EYA4: variants seen among roughly 807,000 people sequenced by gnomAD.
EYA4 encodes the protein EYA transcriptional coactivator and phosphatase 4, also known as protein phosphatase EYA4.
A neutral mutation model predicts 87.9 loss-of-function variants in EYA4; 31 were observed. That is an observed-to-expected ratio of 0.35 (90% CI 0.27 to 0.48). EYA4 has a LOEUF of 0.48. Among genes scored for constraint, EYA4 ranks in the 20% least tolerant of loss-of-function variants. The pLI, the probability that EYA4 is intolerant of heterozygous loss-of-function variation, is 0.99. For synonymous variants in EYA4, 263 were observed against 270.6 expected, an observed-to-expected ratio of 0.97 and a Z score of 0.28; for missense variants, 678 against 761.4, an observed-to-expected ratio of 0.89 and a Z score of 1.29.
chr6:133,382,625 T>C (rs534005757), intron 3 of EYA4, among the ~76,000 whole-genome samples, 184 bp downstream of exon 3: 31 of 152,282 alleles, frequency 2.0e-4, no homozygotes, highest in Non-Finnish European at 3.8e-4. Context: ...TCAAAGGGAC[T>C]GTGATTGAAG....
intron 3 of EYA4, among the ~76,000 whole-genome samples, chr6:133,420,604 C>T (rs939434793): frequency 2.0e-5 from 3 of 152,212 alleles, no homozygotes; most frequent in Non-Finnish European, 4.4e-5. Context: ...TGACAGCAGG[C>T]TCTTGAATTT....
intron 2 of EYA4, among the ~76,000 whole-genome samples, chr6:133,307,999 TG>T (rs1779938009): frequency 6.6e-6 from 1 of 152,152 alleles, no homozygotes; most frequent in South Asian, 2.1e-4. Flanking sequence ...TGAGATCTGA[TG>T]GTTTTTATAA....
At chr6:133,385,061 A>C (rs1786580306) in intron 3 of EYA4, among the ~76,000 whole-genome samples, 1 of 151,956 alleles carries the variant, frequency 6.6e-6, no homozygotes, top group African/African-American at 2.4e-5. Flanking sequence ...GCACTTTGGG[A>C]GGCCGAGGCG....
chr6:133,418,710 T>C (rs1397522199), intron 3 of EYA4, among the ~76,000 whole-genome samples: 1 of 152,170 alleles, frequency 6.6e-6, no homozygotes, highest in Admixed American at 6.5e-5. Context: ...ACAGATTAGC[T>C]GGGGAAATGG....
At chr6:133,410,799 T>A (rs1456484990) in intron 3 of EYA4, among the ~76,000 whole-genome samples, 2 of 151,884 alleles carry the variant, frequency 1.3e-5, no homozygotes, top group Admixed American at 6.6e-5. Flanking sequence ...GTTAAATTAT[T>A]ACCCTCAGGT....
At chr6:133,449,081 A>G (rs1793151431) in intron 5 of EYA4, among the ~76,000 whole-genome samples, 1 of 152,212 alleles carries the variant, frequency 6.6e-6, no homozygotes, top group South Asian at 2.1e-4. Flanking sequence ...TATACTTTTC[A>G]TACTTAAAAT....
rs1055614431 is a variant in EYA4 at position 133,368,028 on chromosome 6, A to T, written c.34-14364A>T. ...CTGGAACCAGAAGGGCATCCTAGAC[A>T]TCTCTGTTTATAAAATGTTATTAAA... is the stretch of plus-strand genomic sequence containing the variant. On this transcript the variant is annotated intron_variant, in intron 2 of 19. Coordinates refer to ENST00000355286, the MANE Select transcript of EYA4 (RefSeq NM_004100.5). Among the ~76,000 whole-genome samples, 12 of 152,146 alleles carry T rather than the reference A, an allele frequency of 7.9e-5. 1 individual carries two copies. The highest frequency in any genetic ancestry group is 2.9e-4 in the African/African-American group (12 of 41,440).
intron 1 of EYA4, among the ~76,000 whole-genome samples, chr6:133,262,720 G>C (rs1745661544): frequency 6.6e-6 from 1 of 152,216 alleles, no homozygotes; most frequent in African/African-American, 2.4e-5. Context: ...AGCATGAGAA[G>C]TATGAACCCC....
intron 3 of EYA4, among the ~76,000 whole-genome samples, chr6:133,386,987 C>T (rs930097831): frequency 1.3e-5 from 2 of 152,172 alleles, no homozygotes; most frequent in African/African-American, 4.8e-5. Flanking sequence ...TGGCCTGTGT[C>T]TTCTTGCCCT....
At chr6:133,361,585 A>G (rs1332660472) in intron 2 of EYA4, among the ~76,000 whole-genome samples, 1 of 152,124 alleles carries the variant, frequency 6.6e-6, no homozygotes, top group Non-Finnish European at 1.5e-5. Flanking sequence ...TAAAACTCAA[A>G]CCGTTCGTAG....
At chr6:133,458,934 T>C (rs745474499) in intron 6 of EYA4, among the ~76,000 whole-genome samples, 1 of 152,162 alleles carries the variant, frequency 6.6e-6, no homozygotes, top group Non-Finnish European at 1.5e-5. Flanking sequence ...ATGAGTGTTT[T>C]GGGTAATGTT....
At chr6:133,294,063 A>ATATATATATATAT (rs1778746762) in intron 2 of EYA4, among the ~76,000 whole-genome samples, 3 of 81,800 alleles carry the variant, frequency 3.7e-5, no homozygotes, top group African/African-American at 1.3e-4. Flanking sequence ...ATATATATAT[A>ATATATATATATAT]ATTCTATTCT....
intron 3 of EYA4, among the ~76,000 whole-genome samples, chr6:133,400,668 T>C (rs537226946): frequency 6.6e-6 from 1 of 152,170 alleles, no homozygotes; most frequent in Admixed American, 6.6e-5. Context: ...AATTAAAGGA[T>C]AGTAATAAAG....
intron 2 of EYA4, among the ~76,000 whole-genome samples, chr6:133,324,904 ATTT>A (rs756478373): frequency 2.4e-5 from 2 of 83,574 alleles, no homozygotes; most frequent in Non-Finnish European, 4.5e-5. Context: ...TTCAGAAGCT[ATTT>A]TTTTTTTTTT....
chr6:133,421,122 T>A (rs540952338), intron 3 of EYA4, among the ~76,000 whole-genome samples: 1 of 152,318 alleles, frequency 6.6e-6, no homozygotes, highest in Middle Eastern at 3.4e-3. Flanking sequence ...CAAGGCTAGT[T>A]ACGGCCTCAT....
intron 3 of EYA4, among the ~76,000 whole-genome samples, chr6:133,398,040 G>T (rs888867229): frequency 1.3e-5 from 2 of 152,106 alleles, no homozygotes; most frequent in Non-Finnish European, 2.9e-5. Flanking sequence ...CATACATTGT[G>T]AATCCATTTA....
chr6:133,431,344 T>C (rs1057155312), intron 3 of EYA4, among the ~76,000 whole-genome samples: 5 of 152,192 alleles, frequency 3.3e-5, no homozygotes, highest in Non-Finnish European at 4.4e-5. Context: ...TAGGCTGTTC[T>C]AGGGCAAGTG....
intron 2 of EYA4, among the ~76,000 whole-genome samples, chr6:133,280,348 T>A (rs1777518662): frequency 6.6e-6 from 1 of 152,260 alleles, no homozygotes; most frequent in African/African-American, 2.4e-5. Flanking sequence ...ATTTAATGTT[T>A]CATAATCATT....
chr6:133,530,526 C>T lies in EYA4; in HGVS notation c.*1721C>T, dbSNP rs972516490. The T allele has an allele frequency of 2.0e-6, 2 of 985,590 alleles. No homozygotes were observed. The highest frequency in any genetic ancestry group is 1.1e-4 in the East Asian group (1 of 8,832). The allele number at this position is 985,590 out of a possible 1,614,324, so 61.1% of individuals were successfully genotyped here. On this transcript the variant is annotated 3_prime_UTR_variant, in exon 20 of 20. Coordinates refer to ENST00000355286, the MANE Select transcript of EYA4 (RefSeq NM_004100.5). ...TGGAGTCAGGCTACTAGTCAGTGCC[C>T]CTAGCCAGAGGCTGGTTCATGAGTT...
Sources: allele counts gnomAD v4.1 joint callset (sites outside exome capture counted in the v4.1 genomes callset), GRCh38; gene constraint gnomAD v4.1.1; transcripts MANE v1.5; gene names NCBI Gene and HGNC (gene_info 2026-07-23, HGNC 2026-07-21).